Variants in OR2L13 observed in about 807,000 individuals in gnomAD.
The protein encoded by OR2L13 is olfactory receptor family 2 subfamily L member 13.
In OR2L13, 14 loss-of-function variants were observed where a neutral mutation model predicts 15.3. The ratio of observed to expected loss-of-function variants is 0.91; its 90% CI spans 0.60 to 1.43. The LOEUF (loss-of-function observed/expected upper bound fraction) is 1.43, where lower values mean the gene tolerates loss of function less well. Ranked by LOEUF, OR2L13 falls within the 40% of genes most tolerant of loss-of-function variation. The pLI is 0.00. For synonymous variants in OR2L13, 152 were observed against 142.9 expected, an observed-to-expected ratio of 1.06 and a Z score of -0.45; for missense variants, 367 against 387.9, an observed-to-expected ratio of 0.95 and a Z score of 0.45.
the OR2L13 span, among the ~76,000 whole-genome samples, chr1:247,985,953 G>A: frequency 2.6e-5 from 4 of 152,086 alleles, no homozygotes; most frequent in African/African-American, 9.7e-5. Flanking sequence ...TTTTTGATGG[G>A]GTTGTTTGTT....
At chr1:247,966,537 T>C in the OR2L13 span, among the ~76,000 whole-genome samples, 1 of 152,238 alleles carries the variant, frequency 6.6e-6, no homozygotes, top group Non-Finnish European at 1.5e-5. Context: ...CTCTGAAATG[T>C]GAACCATAAA....
At chr1:247,954,616 T>C in the OR2L13 span, among the ~76,000 whole-genome samples, 3 of 45,782 alleles carry the variant, frequency 6.6e-5, no homozygotes, top group East Asian at 2.5e-3. Flanking sequence ...ATAAAATGTC[T>C]TTTCTTTTTT....
the OR2L13 span, among the ~76,000 whole-genome samples, chr1:248,042,729 T>C: frequency 6.6e-6 from 1 of 152,158 alleles, no homozygotes; most frequent in Non-Finnish European, 1.5e-5. Context: ...TTAATCATAA[T>C]ATTTTATCAA....
the OR2L13 span, among the ~76,000 whole-genome samples, chr1:247,983,891 G>A: frequency 1.3e-5 from 2 of 152,204 alleles, no homozygotes; most frequent in Non-Finnish European, 2.9e-5. Flanking sequence ...TCCCCTTTCG[G>A]GGCAGTAGGC....
At chr1:247,999,342 C>T in the OR2L13 span, among the ~76,000 whole-genome samples, 5 of 152,094 alleles carry the variant, frequency 3.3e-5, no homozygotes, top group African/African-American at 9.7e-5. Context: ...AAATGTCTGT[C>T]TACGTACTTA....
the OR2L13 span, among the ~76,000 whole-genome samples, chr1:248,045,391 A>G: frequency 6.6e-6 from 1 of 152,186 alleles, no homozygotes; most frequent in South Asian, 2.1e-4. Flanking sequence ...TTTCAAGAGT[A>G]AGTTGCTGAC....
At chr1:247,996,595 AG>A in the OR2L13 span, among the ~76,000 whole-genome samples, 1 of 152,218 alleles carries the variant, frequency 6.6e-6, no homozygotes, top group South Asian at 2.1e-4. Flanking sequence ...TGGGTATTTC[AG>A]GAGTAAGTTG....
chr1:248,083,775 G>A, the OR2L13 span: 1 of 1,613,934 alleles, frequency 6.2e-7, no homozygotes, highest in South Asian at 1.1e-5. Flanking sequence ...ACTATAGAAG[G>A]CTGACACAAC....
the OR2L13 span, among the ~76,000 whole-genome samples, chr1:248,049,060 A>G: frequency 6.6e-6 from 1 of 152,082 alleles, no homozygotes; most frequent in East Asian, 1.9e-4. Flanking sequence ...GGTGAGGAAA[A>G]TATAGGGAGT....
chr1:247,956,468 C>G, the OR2L13 span, among the ~76,000 whole-genome samples: 2 of 150,806 alleles, frequency 1.3e-5, no homozygotes, highest in Non-Finnish European at 3.0e-5. Context: ...TAGTTTTTTC[C>G]AATTCTGTGA....
At chr1:247,994,143 TC>T in the OR2L13 span, among the ~76,000 whole-genome samples, 1 of 152,124 alleles carries the variant, frequency 6.6e-6, no homozygotes, top group Non-Finnish European at 1.5e-5. Flanking sequence ...AAGCCTGTAA[TC>T]CCAGCACTTT....
the OR2L13 span, among the ~76,000 whole-genome samples, chr1:248,067,830 G>A: frequency 2.6e-5 from 4 of 152,198 alleles, no homozygotes; most frequent in South Asian, 2.1e-4. Context: ...AAAACGGCGC[G>A]CCAGGAGGTT....
At chr1:248,018,167 A>AAAC in the OR2L13 span, among the ~76,000 whole-genome samples, 37 of 151,068 alleles carry the variant, frequency 2.4e-4, no homozygotes, top group African/African-American at 8.9e-4. Context: ...AAATAAAAAA[A>AAAC]AAAATTCGTT....
chr1:248,011,902 G>T, the OR2L13 span, among the ~76,000 whole-genome samples: 1 of 152,096 alleles, frequency 6.6e-6, no homozygotes, highest in Non-Finnish European at 1.5e-5. Context: ...CAAAAGACTT[G>T]ACATAAATGG....
chr1:247,978,498 G>A, the OR2L13 span, among the ~76,000 whole-genome samples: 1 of 152,142 alleles, frequency 6.6e-6, no homozygotes, highest in Non-Finnish European at 1.5e-5. Context: ...TTAAGTAAAT[G>A]TCATTATGCA....
At chr1:247,959,234 T>G in the OR2L13 span, among the ~76,000 whole-genome samples, 4,852 of 152,132 alleles carry the variant, frequency 0.032, 241 homozygotes, top group African/African-American at 0.11. Flanking sequence ...AATTCTGGGT[T>G]GAAAATTCTT....
chr1:248,046,315 A>G, the OR2L13 span, among the ~76,000 whole-genome samples: 1 of 152,164 alleles, frequency 6.6e-6, no homozygotes, highest in South Asian at 2.1e-4. Context: ...ATTTCTACTT[A>G]TGTGTTTCTA....
chr1:247,967,923 CCTTCTTTCTTCT>C, the OR2L13 span, among the ~76,000 whole-genome samples: 12 of 151,236 alleles, frequency 7.9e-5, 1 homozygote, highest in African/African-American at 2.9e-4. Flanking sequence ...TCTTCTTCTT[CCTTCTTTCTTCT>C]TTCTTTCTTC....
the OR2L13 span, among the ~76,000 whole-genome samples, chr1:247,985,238 GCCATCCC>G: frequency 8.5e-5 from 13 of 152,092 alleles, no homozygotes; most frequent in South Asian, 2.5e-3. Context: ...ATCTCCTAAT[GCCATCCC>G]TCCCTCCTTC....
Sources: gnomAD v4.1 joint callset for allele counts (sites outside exome capture counted in the v4.1 genomes callset) on GRCh38, gnomAD v4.1.1 for gene constraint, MANE v1.5 for transcripts, NCBI Gene and HGNC (gene_info 2026-07-23, HGNC 2026-07-21) for gene names.